The following ADK variants were observed in gnomAD, a reference collection of about 807,000 sequenced individuals.
ADK encodes the protein N6,N6-dimethyladenosine kinase.
Under a neutral mutation model 44.7 loss-of-function variants are expected in ADK, and 24 were observed. That is an observed-to-expected ratio of 0.54 (90% CI 0.39 to 0.76). The LOEUF (loss-of-function observed/expected upper bound fraction) is 0.76, where lower values mean the gene tolerates loss of function less well. ADK is among the 30% of genes least tolerant of loss of function. ADK has a pLI of 0.00. For synonymous variants in ADK, 128 were observed against 142.6 expected, an observed-to-expected ratio of 0.90 and a Z score of 0.73; for missense variants, 321 against 425.1, an observed-to-expected ratio of 0.76 and a Z score of 2.15.
intron 6 of ADK, among the ~76,000 whole-genome samples, chr10:74,407,494 T>A (rs1843991212): frequency 6.6e-6 from 1 of 152,164 alleles, no homozygotes; most frequent in African/African-American, 2.4e-5. Context: ...TTCTGTCACT[T>A]TTTTTTAATC....
At chr10:74,507,853 C>G (rs755349626) in intron 6 of ADK, among the ~76,000 whole-genome samples, 28 of 151,958 alleles carry the variant, frequency 1.8e-4, no homozygotes, top group Admixed American at 1.4e-3. Context: ...TTCATAATAT[C>G]ACATATTATG....
intron 3 of ADK, among the ~76,000 whole-genome samples, chr10:74,312,519 G>A (rs1840470904): frequency 6.7e-6 from 1 of 149,912 alleles, no homozygotes; most frequent in East Asian, 2.0e-4. Context: ...ACTTATCCTA[G>A]AGAAATTTAT....
At chr10:74,465,544 G>A (rs553950927) in intron 6 of ADK, among the ~76,000 whole-genome samples, 1 of 152,248 alleles carries the variant, frequency 6.6e-6, no homozygotes, top group Non-Finnish European at 1.5e-5. Context: ...ACTGAATGGG[G>A]CAAAGATAGA....
chr10:74,663,481 T>C (rs1345111708), intron 9 of ADK, among the ~76,000 whole-genome samples: 1 of 152,024 alleles, frequency 6.6e-6, no homozygotes, highest in Admixed American at 6.6e-5. Context: ...TTTTTGCTCC[T>C]AATCAAGTGT....
chr10:74,683,002 C>T (rs1021377925), intron 10 of ADK, among the ~76,000 whole-genome samples: 1 of 152,106 alleles, frequency 6.6e-6, no homozygotes, highest in Admixed American at 6.5e-5. Context: ...ATTTGGGTCA[C>T]AAGTTGTTAT....
chr10:74,448,240 G>T (rs1845651674), intron 6 of ADK, among the ~76,000 whole-genome samples: 1 of 151,992 alleles, frequency 6.6e-6, no homozygotes, highest in Non-Finnish European at 1.5e-5. Context: ...GGTCTCTTGA[G>T]CCCAGGAGTT....
chr10:74,371,789 G>T, intron 4 of ADK: 1 of 1,309,550 alleles, frequency 7.6e-7, no homozygotes, highest in Non-Finnish European at 1.1e-6. Flanking sequence ...TTGGCCAAAG[G>T]GCTGTGCTGA....
At chr10:74,474,167 A>T (rs1017036174) in intron 6 of ADK, among the ~76,000 whole-genome samples, 3 of 151,822 alleles carry the variant, frequency 2.0e-5, no homozygotes, top group Non-Finnish European at 4.4e-5. Flanking sequence ...CTCAGGTTGG[A>T]GTGCAGTGGT....
chr10:74,654,640 C>T (rs956180710), intron 9 of ADK, among the ~76,000 whole-genome samples: 5 of 152,108 alleles, frequency 3.3e-5, no homozygotes, highest in Non-Finnish European at 4.4e-5. Flanking sequence ...GGGAAACCCC[C>T]GTCTCTACTA....
At chr10:74,600,536 T>G (rs758257236) in intron 9 of ADK, 43 bp downstream of exon 9, 12 of 1,356,282 alleles carry the variant, frequency 8.8e-6, no homozygotes, top group South Asian at 1.3e-5. Context: ...TTATGGAGAT[T>G]AATCAATTAC....
chr10:74,204,909 A>G (rs1207060875), intron 2 of ADK, among the ~76,000 whole-genome samples: 2 of 151,916 alleles, frequency 1.3e-5, no homozygotes, highest in African/African-American at 2.4e-5. Flanking sequence ...GTGTGATGGC[A>G]CGCACCTGTA....
chr10:74,152,692 TG>T (rs1841638920), intron 1 of ADK, among the ~76,000 whole-genome samples: 1 of 152,220 alleles, frequency 6.6e-6, no homozygotes, highest in African/African-American at 2.4e-5. Flanking sequence ...TGGACAGTTC[TG>T]TGATCAAAGG....
intron 7 of ADK, chr10:74,527,835 A>G: frequency 1.7e-6 from 2 of 1,168,414 alleles, no homozygotes; most frequent in Admixed American, 1.7e-5. Flanking sequence ...TCTTGCTTCC[A>G]AGTGTCTTGA....
At chr10:74,401,232 T>C (rs941637700) in intron 6 of ADK, among the ~76,000 whole-genome samples, 1 of 152,164 alleles carries the variant, frequency 6.6e-6, no homozygotes, top group African/African-American at 2.4e-5. Flanking sequence ...ATCTGTTTTT[T>C]CTCACTTAAG....
intron 9 of ADK, among the ~76,000 whole-genome samples, chr10:74,637,771 G>C (rs1853666807): frequency 6.6e-6 from 1 of 152,210 alleles, no homozygotes; most frequent in Non-Finnish European, 1.5e-5. Context: ...ATCAAACCTT[G>C]AGACTGCTGA....
At chr10:74,482,631 T>C (rs1370078779) in intron 6 of ADK, among the ~76,000 whole-genome samples, 5 of 152,168 alleles carry the variant, frequency 3.3e-5, no homozygotes, top group African/African-American at 1.2e-4. Context: ...CTTCCACCTC[T>C]GAGCCTGTAA....
chr10:74,425,435 G>A lies in ADK; in HGVS notation c.555+26856G>A, dbSNP rs540609327. ...GGAGAGTCTAATTAGACTTCGTATC[G>A]TTAATGTACCCTAGAATTTATCCCC... is the stretch of plus-strand genomic sequence containing the variant. On this transcript the variant is annotated intron_variant, in intron 6 of 10. Transcript: ENST00000539909. Among the ~76,000 whole-genome samples the A allele has an allele frequency of 6.8e-4, 104 of 151,914 alleles. 1 individual carries two copies. Among genetic ancestry groups the A allele is most frequent in the South Asian group, 2.1e-4 (1 of 4,800 alleles).
chr10:74,346,718 T>C (rs1009943809), intron 4 of ADK, among the ~76,000 whole-genome samples: 5 of 152,102 alleles, frequency 3.3e-5, no homozygotes, highest in African/African-American at 1.2e-4. Flanking sequence ...ACACAGACTT[T>C]AGAGTGCCAC....
At chr10:74,190,283 T>C (rs1305363793) in intron 1 of ADK, among the ~76,000 whole-genome samples, 2 of 152,204 alleles carry the variant, frequency 1.3e-5, no homozygotes, top group Non-Finnish European at 1.5e-5. Flanking sequence ...TCTGTGTGCT[T>C]GTTGGAGCAC....
Sources: allele counts gnomAD v4.1 joint callset (sites outside exome capture counted in the v4.1 genomes callset), GRCh38; gene constraint gnomAD v4.1.1; transcripts MANE v1.5; gene names NCBI Gene and HGNC (gene_info 2026-07-23, HGNC 2026-07-21).